PALM2AKAP2: variants seen among roughly 807,000 people sequenced by gnomAD.
PALM2AKAP2 encodes PALM2-AKAP2 fusion protein.
A neutral mutation model predicts 71.5 loss-of-function variants in PALM2AKAP2; 37 were observed. The observed-to-expected ratio is 0.52, with a 90% confidence interval of 0.40 to 0.68. The LOEUF (loss-of-function observed/expected upper bound fraction) is 0.68, where lower values mean the gene tolerates loss of function less well. Ranked by LOEUF, PALM2AKAP2 falls within the 30% of genes least tolerant of loss-of-function variation. The pLI, the probability that PALM2AKAP2 is intolerant of heterozygous loss-of-function variation, is 0.00. For missense variants in PALM2AKAP2, 1,224 were observed against 1,191.8 expected (o/e 1.03, Z -0.40); for synonymous variants, 468 against 478.8 (o/e 0.98, Z 0.29).
chr9:109,701,382 A>G (rs1050439382), intron 1 of PALM2AKAP2, among the ~76,000 whole-genome samples: 33 of 152,312 alleles, frequency 2.2e-4, no homozygotes, highest in African/African-American at 7.7e-4. Context: ...CATGGTACTG[A>G]TACCAAAACA....
intron 6 of PALM2AKAP2, among the ~76,000 whole-genome samples, chr9:109,973,957 A>G (rs1785614023): frequency 6.6e-6 from 1 of 152,184 alleles, no homozygotes; most frequent in African/African-American, 2.4e-5. Flanking sequence ...TGTGCTGGGC[A>G]TTGGAAACAC....
intron 1 of PALM2AKAP2, among the ~76,000 whole-genome samples, chr9:109,740,961 C>T (rs1410661595): frequency 6.6e-6 from 1 of 152,054 alleles, no homozygotes; most frequent in African/African-American, 2.4e-5. Context: ...CAGACTTTTG[C>T]TTTTTTAAAA....
intron 1 of PALM2AKAP2, among the ~76,000 whole-genome samples, chr9:110,106,474 G>C (rs141598223): frequency 4.6e-5 from 7 of 152,334 alleles, no homozygotes; most frequent in Non-Finnish European, 1.0e-4. Context: ...TTGTTGCTGG[G>C]GGGGATGTGT....
chr9:109,722,098 T>C (rs1828414974), intron 1 of PALM2AKAP2, among the ~76,000 whole-genome samples: 1 of 152,232 alleles, frequency 6.6e-6, no homozygotes, highest in African/African-American at 2.4e-5. Context: ...TAGCATTATA[T>C]GTAATAGCAA....
chr9:109,683,175 C>T (rs576276049), intron 1 of PALM2AKAP2, among the ~76,000 whole-genome samples: 1 of 152,278 alleles, frequency 6.6e-6, no homozygotes, highest in East Asian at 1.9e-4. Context: ...TCCCCAGAAG[C>T]CGAGCAGATG....
intron 1 of PALM2AKAP2, chr9:109,641,003 T>A: frequency 7.8e-7 from 1 of 1,287,472 alleles, no homozygotes; most frequent in Non-Finnish European, 1.0e-6. Context: ...ACGCCTGGTG[T>A]TTCTATAGCA....
exon 2 of PALM2AKAP2, chr9:110,138,471 G>T: frequency 6.2e-7 from 1 of 1,614,230 alleles, no homozygotes; most frequent in Non-Finnish European, 8.5e-7. Context: ...GTCTTGCAGA[G>T]TACGCAGAGC....
Position 109,770,165 on chromosome 9 carries a change from G to A in PALM2AKAP2, c.6-10323G>A, listed in dbSNP as rs556580935. On this transcript the variant is annotated intron_variant, in intron 1 of 6. Coordinates refer to the PALM2AKAP2 transcript ENST00000374531. Reference sequence around the variant, plus strand: ...GGTCGGAGTTGGCCAGACTTCTTGTGCTCTTCCATTCATACCCAAAAGGAG... The same window carrying A: ...GGTCGGAGTTGGCCAGACTTCTTGTACTCTTCCATTCATACCCAAAAGGAG... 2.0e-5 allele frequency among the ~76,000 whole-genome samples: 3 copies of A among 152,072 alleles called. No individual in the cohort carries two copies. In the South Asian group the frequency reaches 6.3e-4, roughly 32 times the overall value.
chr9:109,987,774 C>G (rs1476077158), intron 6 of PALM2AKAP2, among the ~76,000 whole-genome samples: 1 of 152,206 alleles, frequency 6.6e-6, no homozygotes, highest in Non-Finnish European at 1.5e-5. Flanking sequence ...GGGAACATCT[C>G]TGTTGTGAAG....
intron 1 of PALM2AKAP2, among the ~76,000 whole-genome samples, chr9:110,087,215 C>T (rs576676735): frequency 6.6e-6 from 1 of 152,200 alleles, no homozygotes; most frequent in African/African-American, 2.4e-5. Context: ...CTTTGTTGAT[C>T]ACCCCAGGAG....
At chr9:109,818,833 GC>G (rs1827916618) in intron 1 of PALM2AKAP2, among the ~76,000 whole-genome samples, 1 of 152,132 alleles carries the variant, frequency 6.6e-6, no homozygotes, top group African/African-American at 2.4e-5. Flanking sequence ...TAAAACTTGA[GC>G]TTTTATGTTG....
chr9:109,849,772 A>C (rs898665391), intron 1 of PALM2AKAP2, among the ~76,000 whole-genome samples: 2 of 152,276 alleles, frequency 1.3e-5, no homozygotes, highest in South Asian at 4.2e-4. Context: ...ACAAAAAACA[A>C]AAAGCAAAAA....
At chr9:109,810,428 G>A (rs1008175934) in intron 1 of PALM2AKAP2, among the ~76,000 whole-genome samples, 1 of 152,146 alleles carries the variant, frequency 6.6e-6, no homozygotes, top group Non-Finnish European at 1.5e-5. Context: ...TTCTAGAAAG[G>A]GGCAGTGACC....
chr9:109,992,937 A>T (rs1588048264), intron 6 of PALM2AKAP2, among the ~76,000 whole-genome samples: 1 of 107,406 alleles, frequency 9.3e-6, no homozygotes, highest in South Asian at 2.9e-4. Context: ...ATTCATATAT[A>T]TGTATATATA....
At chr9:109,657,452 T>TTGTG (rs3062680) in intron 1 of PALM2AKAP2, among the ~76,000 whole-genome samples, 27,758 of 147,124 alleles carry the variant, frequency 0.19, 2,763 homozygotes, top group Middle Eastern at 0.28. Flanking sequence ...AATATGGTAT[T>TTGTG]TGTGTGTGTG....
chr9:110,090,153 C>T (rs761774677), intron 1 of PALM2AKAP2: 8 of 311,572 alleles, frequency 2.6e-5, no homozygotes, highest in Admixed American at 4.3e-5. Flanking sequence ...GAAGTCGGGC[C>T]GGTTCACATT....
chr9:109,991,494 C>T (rs1022914639), intron 6 of PALM2AKAP2, among the ~76,000 whole-genome samples: 8 of 152,150 alleles, frequency 5.3e-5, no homozygotes, highest in African/African-American at 1.9e-4. Flanking sequence ...CTATCTTGGC[C>T]TCCCAAGGTG....
intron 1 of PALM2AKAP2, chr9:109,862,847 G>C: frequency 2.0e-6 from 1 of 496,898 alleles, no homozygotes; most frequent in Non-Finnish European, 4.0e-6. Flanking sequence ...ATCGATTATT[G>C]TTAGAGGAAG....
Position 110,035,436 on chromosome 9 carries a change from TA to T in PALM2AKAP2, c.582+19398del, listed in dbSNP as rs375764402. 3.9e-4 allele frequency among the ~76,000 whole-genome samples: 56 copies of T among 144,742 alleles called. No individual in the cohort carries two copies. In the East Asian group the frequency reaches 0.01, roughly 26 times the overall value. The allele number at this position is 144,742 out of a possible 152,430, so 95.0% of individuals were successfully genotyped here. A position where few individuals can be genotyped will look rare whatever the true frequency, so the allele number is the denominator to read the frequency against. ...ATGTATAATACATATTATATACGTA[TA>T]TTATGCGTATAATACAGATATATGT... On this transcript the variant is annotated intron_variant, in intron 7 of 9. Coordinates refer to the PALM2AKAP2 transcript ENST00000302798.
Sources: allele counts gnomAD v4.1 joint callset (sites outside exome capture counted in the v4.1 genomes callset), GRCh38; gene constraint gnomAD v4.1.1; transcripts MANE v1.5; gene names NCBI Gene and HGNC (gene_info 2026-07-23, HGNC 2026-07-21).